Variants in UBR1 observed in about 807,000 individuals in gnomAD.
UBR1 encodes ubiquitin protein ligase E3 component n-recognin 1.
Under a neutral mutation model 242.1 loss-of-function variants are expected in UBR1, and 102 were observed. That is an observed-to-expected ratio of 0.42 (90% CI 0.36 to 0.50). The LOEUF is 0.50. Ranked by LOEUF, UBR1 falls within the 20% of genes least tolerant of loss-of-function variation. The pLI, the probability that UBR1 is intolerant of heterozygous loss-of-function variation, is 0.01. For missense variants in UBR1, 1,772 were observed against 2,101.8 expected, an observed-to-expected ratio of 0.84 and a Z score of 3.07; for synonymous variants, 675 against 684.8, an observed-to-expected ratio of 0.99 and a Z score of 0.22.
At chr15:43,061,983 A>AT (rs1426889994) in intron 6 of UBR1, among the ~76,000 whole-genome samples, 4 of 152,138 alleles carry the variant, frequency 2.6e-5, no homozygotes, top group African/African-American at 9.7e-5. Flanking sequence ...GTAAAAAAAA[A>AT]AATAATAATA....
At chr15:43,071,439 G>A (rs544570548) in intron 4 of UBR1, among the ~76,000 whole-genome samples, 1 of 152,286 alleles carries the variant, frequency 6.6e-6, no homozygotes, top group East Asian at 1.9e-4. Flanking sequence ...ATAGAAAGGT[G>A]GTTGCCAAAG....
At chr15:43,101,170 G>A (rs1025634615) in intron 1 of UBR1, among the ~76,000 whole-genome samples, 1 of 152,196 alleles carries the variant, frequency 6.6e-6, no homozygotes, top group Non-Finnish European at 1.5e-5. Flanking sequence ...AGGAAATGAG[G>A]TGGAGATGCA....
chr15:43,079,870 C>G (rs1318909999), intron 3 of UBR1, among the ~76,000 whole-genome samples: 1 of 152,172 alleles, frequency 6.6e-6, no homozygotes, highest in Non-Finnish European at 1.5e-5. Context: ...ATCATACTGG[C>G]ATTAGACTTC....
At chr15:43,058,581 C>G (rs887848552) in intron 9 of UBR1, 152 bp from the exon 10 acceptor site, 8 of 597,718 alleles carry the variant, frequency 1.3e-5, no homozygotes, top group Non-Finnish European at 2.4e-5. Context: ...TATTTAATAA[C>G]TGGAATTTAA....
chr15:42,950,819 G>T (rs549012162), intron 45 of UBR1, among the ~76,000 whole-genome samples: 1 of 152,166 alleles, frequency 6.6e-6, no homozygotes, highest in Non-Finnish European at 1.5e-5. Context: ...GTTAGAGCTG[G>T]CCTGAAACAC....
chr15:42,977,367 A>T (rs1267219124), intron 38 of UBR1, among the ~76,000 whole-genome samples: 5 of 152,106 alleles, frequency 3.3e-5, no homozygotes, highest in African/African-American at 1.2e-4. Flanking sequence ...TCCCAATCTC[A>T]ATACTGCTTT....
Position 43,024,888 on chromosome 15 carries a change from C to T in UBR1, c.2680G>A (p.Val894Ile), listed in dbSNP as rs375804838. ...CDIMMYILRT[V>I]FERAIDTDSN... ...TCTGTGTCTATTGCCCGCTCAAATA[C>T]GGTCCTGAGAATGTACATCATGATA... Residue 894 changes from valine (V) to isoleucine (I), a missense_variant, in exon 25 of 47, where the codon GTA (valine) becomes ATA (isoleucine). This residue lies in a region of UBR1 where 965 missense variants were observed against 1,079.7 expected (regional missense o/e 0.89). Coordinates refer to ENST00000290650, the MANE Select transcript of UBR1 (RefSeq NM_174916.3). 1.4e-5 allele frequency: 22 copies of T among 1,613,982 alleles called. No individual in the cohort carries two copies. In the East Asian group the frequency reaches 2.2e-4, roughly 16 times the overall value.
intron 1 of UBR1, among the ~76,000 whole-genome samples, chr15:43,087,978 A>T (rs553111448): frequency 6.6e-6 from 1 of 152,232 alleles, no homozygotes; most frequent in Non-Finnish European, 1.5e-5. Context: ...ATGTATCTGT[A>T]TATGTTTATA....
At chr15:42,975,443 G>GTT (rs34580188) in intron 39 of UBR1, among the ~76,000 whole-genome samples, 42 of 151,518 alleles carry the variant, frequency 2.8e-4, no homozygotes, top group East Asian at 1.4e-3. Context: ...AATTGTTTCT[G>GTT]TTTTTTTTGA....
intron 35 of UBR1, among the ~76,000 whole-genome samples, chr15:42,988,045 C>CCTTT (rs1173599645): frequency 6.6e-6 from 1 of 152,062 alleles, no homozygotes; most frequent in Admixed American, 6.6e-5. Flanking sequence ...AGTAGGCTTC[C>CCTTT]CTTTAGAGCT....
chr15:42,946,742 T>C (rs2031741890), intron 46 of UBR1, among the ~76,000 whole-genome samples: 1 of 152,226 alleles, frequency 6.6e-6, no homozygotes, highest in African/African-American at 2.4e-5. Context: ...CTCATTTTCA[T>C]AAGTCATCAG....
chr15:43,023,908 T>C (rs1271666847), intron 25 of UBR1, among the ~76,000 whole-genome samples: 1 of 152,164 alleles, frequency 6.6e-6, no homozygotes, highest in Non-Finnish European at 1.5e-5. Context: ...TATAAGAACG[T>C]ACATTTTATT....
rs2031710660 is a variant in UBR1 at position 42,945,144 on chromosome 15, G to A, written c.*185C>T. 2.8e-6 allele frequency: 2 copies of A among 721,334 alleles called. No individual in the cohort carries two copies. Among genetic ancestry groups the A allele is most frequent in the South Asian group, 1.8e-5 (1 of 55,606 alleles). The allele number at this position is 721,334 out of a possible 1,614,324, so 44.7% of individuals were successfully genotyped here. A position where few individuals can be genotyped will look rare whatever the true frequency, so the allele number is the denominator to read the frequency against. On this transcript the variant is annotated 3_prime_UTR_variant, in exon 47 of 47. Coordinates refer to ENST00000290650, the MANE Select transcript of UBR1 (RefSeq NM_174916.3). Reference sequence around the variant, plus strand: ...AGATTGATCTATGTCCTTTTTTCCTGTGAAGCATATGTTTGCTAATTGAAA... The same window carrying A: ...AGATTGATCTATGTCCTTTTTTCCTATGAAGCATATGTTTGCTAATTGAAA...
At chr15:42,991,303 T>C (rs1454068156) in intron 33 of UBR1, among the ~76,000 whole-genome samples, 1 of 151,872 alleles carries the variant, frequency 6.6e-6, no homozygotes, top group Non-Finnish European at 1.5e-5. Flanking sequence ...GGTCTCGCTA[T>C]GTTTTGCCGG....
intron 46 of UBR1, among the ~76,000 whole-genome samples, chr15:42,950,024 C>T (rs2031803893): frequency 6.6e-6 from 1 of 151,170 alleles, no homozygotes; most frequent in South Asian, 2.1e-4. Context: ...TTTTTAGTAG[C>T]GACGGGTTTT....
chr15:42,991,433 T>C (rs565779613), intron 33 of UBR1, among the ~76,000 whole-genome samples: 3 of 152,152 alleles, frequency 2.0e-5, no homozygotes, highest in Non-Finnish European at 4.4e-5. Flanking sequence ...GTTTGCTTTA[T>C]GATGTGTCTG....
chr15:43,011,992 C>T (rs571167694), intron 29 of UBR1: 11 of 435,316 alleles, frequency 2.5e-5, no homozygotes, highest in African/African-American at 1.0e-4. Flanking sequence ...TTTGGGAGGC[C>T]GAGGTGGGCG....
chr15:43,067,122 T>C (rs915484658), intron 6 of UBR1, among the ~76,000 whole-genome samples: 1 of 152,344 alleles, frequency 6.6e-6, no homozygotes, highest in Admixed American at 6.5e-5. Context: ...AGTTGACTTA[T>C]GGTTATAGGG....
intron 9 of UBR1, 69 bp from the exon 10 acceptor site, chr15:43,058,498 G>T: frequency 1.9e-6 from 2 of 1,033,798 alleles, no homozygotes; most frequent in African/African-American, 1.6e-5. Context: ...AAACATTCTG[G>T]CTATTAGAGT....
Sources: allele counts gnomAD v4.1 joint callset (sites outside exome capture counted in the v4.1 genomes callset), GRCh38; gene constraint gnomAD v4.1.1; regional missense constraint gnomAD v4.1.1; transcripts MANE v1.5; gene names NCBI Gene and HGNC (gene_info 2026-07-23, HGNC 2026-07-21).